CACNA1S: variants seen among roughly 807,000 people sequenced by gnomAD.
CACNA1S encodes calcium voltage-gated channel subunit alpha1 S.
In CACNA1S, 126 loss-of-function variants were observed where a neutral mutation model predicts 207.4. That is an observed-to-expected ratio of 0.61 (90% confidence interval 0.53 to 0.70). The LOEUF (loss-of-function observed/expected upper bound fraction) is 0.70, where lower values mean the gene tolerates loss of function less well. Among genes scored for constraint, CACNA1S ranks in the 30% least tolerant of loss-of-function variants. CACNA1S has a pLI of 0.00. For synonymous variants in CACNA1S, 960 were observed against 932.7 expected (o/e 1.03, Z -0.53); for missense variants, 2,349 against 2,422.8 (o/e 0.97, Z 0.64).
chr1:201,109,698 T>A (rs1236325827), intron 2 of CACNA1S, among the ~76,000 whole-genome samples: 1 of 152,184 alleles, frequency 6.6e-6, no homozygotes, highest in East Asian at 1.9e-4. Context: ...CTCTAAAACA[T>A]GTCCTTGCTT....
At position 201,053,421 on chromosome 1, in the gene CACNA1S, T is replaced by TC. The variant is rs1558057939; in HGVS notation, c.3795+37dup. On this transcript the variant is annotated intron_variant, in intron 30 of 43. Coordinates refer to ENST00000362061, the MANE Select transcript of CACNA1S (RefSeq NM_000069.3). The surrounding 1 kb of genome is among the most constrained non-coding windows in gnomAD (Gnocchi z 5.1). ...GCTGAGGCAGATGTCCCTAGTGGCC[T>TC]CCCCAGGTACGTGCAGTTTCCAGGG... 2.5e-6 allele frequency: 4 copies of TC among 1,613,988 alleles called. No individual in the cohort carries two copies. Among genetic ancestry groups the TC allele is most frequent in the Non-Finnish European group, 3.4e-6 (4 of 1,179,960 alleles).
intron 12 of CACNA1S, 152 bp downstream of exon 12, chr1:201,076,768 A>G: frequency 1.3e-6 from 1 of 757,872 alleles, no homozygotes; most frequent in Non-Finnish European, 2.4e-6. Flanking sequence ...AGAGAAGCAC[A>G]GGTGATAGGG....
chr1:201,098,146 G>A (rs560836279), intron 2 of CACNA1S, among the ~76,000 whole-genome samples: 1 of 152,328 alleles, frequency 6.6e-6, no homozygotes, highest in East Asian at 1.9e-4. Context: ...ATTGAGAGCA[G>A]GGACTTAGCT....
rs773923999 is a variant in CACNA1S at position 201,112,204 on chromosome 1, T to G, written c.136A>C (p.Ser46Arg). 14 of 1,613,410 alleles carry G rather than the reference T, an allele frequency of 8.7e-6. No homozygotes were observed. Among genetic ancestry groups the G allele is most frequent in the Non-Finnish European group, 1.2e-5 (14 of 1,179,770 alleles). The change falls in exon 1 of 44, where the codon AGC becomes CGC. Residue 46 changes from serine (S) to arginine (R), a missense_variant. Ser to Arg is a moderately radical substitution (Grantham distance 110). Transcript: ENST00000362061. ...GAAGGATACTTCCATTCTACAATGC[T>G]GATGCAGGCCTTCCTCAGGGGGTTC... ...LENPLRKACISIVEWKPFETI... is the reference protein window; with the variant it reads ...LENPLRKACIRIVEWKPFETI...
At chr1:201,079,096 G>A (rs1227640430) in intron 10 of CACNA1S, among the ~76,000 whole-genome samples, 6 of 149,286 alleles carry the variant, frequency 4.0e-5, no homozygotes, top group African/African-American at 1.5e-4. Flanking sequence ...ACTCTGGCCT[G>A]GTGACAGAGT....
At chr1:201,099,708 A>G (rs1340677986) in intron 2 of CACNA1S, among the ~76,000 whole-genome samples, 1 of 152,200 alleles carries the variant, frequency 6.6e-6, no homozygotes. Context: ...GAAGCTCTCC[A>G]CACAGGCTTG....
intron 19 of CACNA1S, among the ~76,000 whole-genome samples, chr1:201,068,914 G>A (rs1661351131): frequency 6.6e-6 from 1 of 152,150 alleles, no homozygotes; most frequent in African/African-American, 2.4e-5. Context: ...TTCAAGACAT[G>A]GGCTGTACTC....
At chr1:201,107,464 T>C (rs1662935392) in intron 2 of CACNA1S, among the ~76,000 whole-genome samples, 1 of 152,254 alleles carries the variant, frequency 6.6e-6, no homozygotes, top group Non-Finnish European at 1.5e-5. Flanking sequence ...GTTTAATCCA[T>C]GTAATGAAGC....
At position 201,044,453 on chromosome 1, in the gene CACNA1S, C is replaced by T. The variant is rs144561492; in HGVS notation, c.4672G>A (p.Gly1558Arg). The T allele has an allele frequency of 3.2e-5, 52 of 1,612,378 alleles. 1 individual carries two copies. The highest frequency in any genetic ancestry group is 4.2e-5 in the Non-Finnish European group (50 of 1,179,756). ...GCCTCTTCCTCAATGGTCCGCAGCC[C>T]TGCCTGGGGATGACGAAGGGACTCA... ...PKKDIVQIQA[G>R]LRTIEEEAAP... is the part of the protein sequence containing the mutation. Residue 1558 changes from glycine (G) to arginine (R), a missense_variant, in exon 39 of 44, where the codon GGG (glycine) becomes AGG (arginine). Gly to Arg is a moderately radical substitution (Grantham distance 125). Coordinates refer to ENST00000362061, the MANE Select transcript of CACNA1S (RefSeq NM_000069.3).
chr1:201,072,847 T>A, intron 15 of CACNA1S, 23 bp from the exon 16 acceptor site: 1 of 1,598,460 alleles, frequency 6.3e-7, no homozygotes, highest in Non-Finnish European at 8.6e-7. Flanking sequence ...ACACAATGAC[T>A]ATAACAATGA....
Position 201,044,389 on chromosome 1 carries a change from G to C in CACNA1S, c.4736C>G (p.Ala1579Gly). ...GGCTCTCTCCAGCTCCTCCTCAGCAGCCAGGTCTCCTGAGACCGTGCGACA... is the reference window on the plus strand; with the variant it reads ...GGCTCTCTCCAGCTCCTCCTCAGCACCCAGGTCTCCTGAGACCGTGCGACA... ...EICRTVSGDLAAEEELERAMV... is the reference protein window; with the variant it reads ...EICRTVSGDLGAEEELERAMV... Residue 1579 changes from alanine (A) to glycine (G), a missense_variant, in exon 39 of 44, where the codon GCT becomes GGT. Coordinates refer to ENST00000362061, the MANE Select transcript of CACNA1S (RefSeq NM_000069.3). 6 of 1,613,624 alleles carry C rather than the reference G, an allele frequency of 3.7e-6. No homozygotes were observed. The highest frequency in any genetic ancestry group is 5.1e-6 in the Non-Finnish European group (6 of 1,179,898).
chr1:201,059,742 A>G (rs914860993), intron 26 of CACNA1S, among the ~76,000 whole-genome samples: 2 of 152,200 alleles, frequency 1.3e-5, no homozygotes, highest in Non-Finnish European at 2.9e-5. Flanking sequence ...ACTGGCTACT[A>G]GTGGGAAACT....
At chr1:201,109,527 C>T (rs927789380) in intron 2 of CACNA1S, among the ~76,000 whole-genome samples, 1 of 152,042 alleles carries the variant, frequency 6.6e-6, no homozygotes, top group African/African-American at 2.4e-5. Flanking sequence ...TAAGTAAGTC[C>T]CTGAACCTCT....
intron 6 of CACNA1S, among the ~76,000 whole-genome samples, chr1:201,088,186 C>T (rs982221748): frequency 1.3e-5 from 2 of 152,160 alleles, no homozygotes; most frequent in African/African-American, 4.8e-5. Context: ...ACCTAATTTC[C>T]CTCCAACCAA....
intron 32 of CACNA1S, among the ~76,000 whole-genome samples, chr1:201,051,640 G>A (rs1660651426): frequency 6.6e-6 from 1 of 152,152 alleles, no homozygotes; most frequent in Non-Finnish European, 1.5e-5. Context: ...TGCATGACAT[G>A]TTTGCATTTT....
rs747436577 is a variant in CACNA1S at position 201,046,680 on chromosome 1, C to CT, written c.4668+434_4668+435insA. On this transcript the variant is annotated intron_variant, in intron 38 of 43. Coordinates refer to ENST00000362061, the MANE Select transcript of CACNA1S (RefSeq NM_000069.3). The stretch of plus-strand genomic sequence containing the variant: ...CCTCAGCCTCCTGAGTAGCTGGGCA[C>CT]ATGCCGCCACACCTGACTAATTTTT... 9.5e-4 allele frequency among the ~76,000 whole-genome samples: 145 copies of CT among 151,992 alleles called. 1 individual carries two copies. The highest frequency in any genetic ancestry group is 1.7e-3 in the Non-Finnish European group (118 of 67,990).
chr1:201,043,679 T>C (rs1452844098), intron 39 of CACNA1S, 148 bp from the exon 40 acceptor site: 1 of 724,932 alleles, frequency 1.4e-6, no homozygotes, highest in East Asian at 2.6e-5. Flanking sequence ...AGTGGTGAGA[T>C]CAAAAGAAGA....
At chr1:201,068,231 CTTTTTTTTTTTTTT>C (rs60151209) in intron 19 of CACNA1S, among the ~76,000 whole-genome samples, 54 of 47,014 alleles carry the variant, frequency 1.1e-3, no homozygotes, top group African/African-American at 3.7e-3. Flanking sequence ...CGGCTCTGCT[CTTTTTTTTTTTTTT>C]TTTTTTTTTT....
At chr1:201,074,250 A>G (rs962604994) in intron 14 of CACNA1S, among the ~76,000 whole-genome samples, 1 of 152,188 alleles carries the variant, frequency 6.6e-6, no homozygotes, top group African/African-American at 2.4e-5. Flanking sequence ...GCCCTGCCCA[A>G]CTGGCCAGGC....
Sources: gnomAD v4.1 joint callset for allele counts (sites outside exome capture counted in the v4.1 genomes callset) on GRCh38, gnomAD v4.1.1 for gene constraint, Gnocchi (gnomAD v3.1) non-coding constraint, MANE v1.5 for transcripts, NCBI Gene and HGNC (gene_info 2026-07-23, HGNC 2026-07-21) for gene names.